The following HCN1 variants were observed in gnomAD, a reference collection of about 807,000 sequenced individuals.
HCN1 encodes hyperpolarization activated cyclic nucleotide gated potassium channel 1.
HCN1 carries 13 observed loss-of-function variants against 78.9 expected under a neutral mutation model. The observed-to-expected ratio is 0.16, with a 90% CI of 0.11 to 0.26. The LOEUF is 0.26. HCN1 is among the 10% of genes least tolerant of loss of function. The probability of loss-of-function intolerance (pLI) is 1.00; values close to 1 mark genes in which losing one functional copy is unlikely to be tolerated. For synonymous variants in HCN1, 552 were observed against 455.5 expected (o/e 1.21, Z -2.70); for missense variants, 810 against 1,154.3 (o/e 0.70, Z 4.32).
At chr5:45,645,681 ACT>A in intron 1 of HCN1, 73 bp from the exon 2 acceptor site, 1 of 886,552 alleles carries the variant, frequency 1.1e-6, no homozygotes, top group Non-Finnish European at 1.7e-6. Context: ...AAAAATTATT[ACT>A]GATATATAGT....
rs772314753 is a variant in HCN1 at position 45,461,948 on chromosome 5, G to T, written c.909C>A (p.Gly303=). 3 of 1,613,390 alleles carry T rather than the reference G, an allele frequency of 1.9e-6. No homozygotes were observed. Among genetic ancestry groups the T allele is most frequent in the South Asian group, 2.2e-5 (2 of 91,064 alleles). ...SAVVRIFNLI[G]MMLLLCHWDG... is the part of the protein sequence containing the mutation. ...CCCAGTGGCACAGGAGCAGCATCAT[G>T]CCGATGAGATTAAAAATTCTCACCA... Residue 303 remains glycine, a synonymous_variant, in exon 3 of 8, where the codon GGC becomes GGA. Transcript: ENST00000303230.
rs111494482 is a variant in HCN1 at position 45,279,375 on chromosome 5, C to T, written c.1619-12122G>A. Among the ~76,000 whole-genome samples, 1,435 of 152,148 alleles carry T rather than the reference C, an allele frequency of 9.4e-3. 21 individuals are homozygous for T. The highest frequency in any genetic ancestry group is 0.033 in the African/African-American group (1,382 of 41,526). ...GAGGTGTGATACATCCTGTTGAAAC[C>T]GTGTTCAAAGAAGCCTCATATAACC... On this transcript the variant is annotated intron_variant, in intron 6 of 7. Transcript: ENST00000303230.
chr5:45,496,788 G>A (rs903597178), intron 2 of HCN1, among the ~76,000 whole-genome samples: 11 of 152,028 alleles, frequency 7.2e-5, no homozygotes, highest in African/African-American at 1.9e-4. Flanking sequence ...TCTTCTAATC[G>A]TGATGTTAGG....
intron 3 of HCN1, among the ~76,000 whole-genome samples, chr5:45,457,631 G>A (rs1372459396): frequency 6.6e-6 from 1 of 152,106 alleles, no homozygotes; most frequent in Non-Finnish European, 1.5e-5. Context: ...ACCACAGACT[G>A]GGTAATTTAT....
chr5:45,609,195 T>G (rs1253234368), intron 2 of HCN1, among the ~76,000 whole-genome samples: 1 of 152,082 alleles, frequency 6.6e-6, no homozygotes, highest in African/African-American at 2.4e-5. Flanking sequence ...TGCCCATATC[T>G]TGTAACTTGC....
intron 4 of HCN1, among the ~76,000 whole-genome samples, chr5:45,356,831 T>C (rs1747015065): frequency 6.6e-6 from 1 of 152,058 alleles, no homozygotes; most frequent in African/African-American, 2.4e-5. Context: ...TTTGTTCCTA[T>C]AATTGGAACT....
At chr5:45,336,184 A>T (rs902312991) in intron 5 of HCN1, among the ~76,000 whole-genome samples, 6 of 151,958 alleles carry the variant, frequency 3.9e-5, no homozygotes, top group African/African-American at 1.2e-4. Flanking sequence ...GGAGGGGAGG[A>T]TACTAGGGAT....
chr5:45,291,361 G>T (rs970209103), intron 6 of HCN1, among the ~76,000 whole-genome samples: 1 of 151,740 alleles, frequency 6.6e-6, no homozygotes, highest in Non-Finnish European at 1.5e-5. Context: ...CTGTTTTCTG[G>T]ACACCACACC....
chr5:45,600,388 C>G (rs989447431), intron 2 of HCN1, among the ~76,000 whole-genome samples: 1 of 152,084 alleles, frequency 6.6e-6, no homozygotes, highest in Admixed American at 6.6e-5. Context: ...TCTTAAAATC[C>G]TAATATGTTC....
Position 45,353,248 on chromosome 5 carries a change from T to TAAGTATAAGTATAAGTATAA in HCN1, c.1231-3_1231-2insTTATACTTATACTTATACTT. On this transcript the variant is annotated splice_region_variant and splice_polypyrimidine_tract_variant and intron_variant, in intron 4 of 7. Coordinates refer to ENST00000303230, the MANE Select transcript of HCN1 (RefSeq NM_021072.4). ...CATGTATTGTTCCACTTGCTTATACTGTAAGGAAGGGAAAATAAAATTAAA... is the reference window on the plus strand; with the variant it reads ...CATGTATTGTTCCACTTGCTTATACTAAGTATAAGTATAAGTATAAGTAAGGAAGGGAAAATAAAATTAAA... 1 of 1,593,772 alleles carries TAAGTATAAGTATAAGTATAA rather than the reference T, an allele frequency of 6.3e-7. No individual in the cohort carries two copies. The highest frequency in any genetic ancestry group is 2.2e-5 in the East Asian group (1 of 44,600).
chr5:45,592,975 A>C (rs1398360535), intron 2 of HCN1, among the ~76,000 whole-genome samples: 1 of 152,202 alleles, frequency 6.6e-6, no homozygotes, highest in Non-Finnish European at 1.5e-5. Flanking sequence ...TTTTATGAAA[A>C]TACAATAGCC....
chr5:45,663,628 C>A (rs1252164629), intron 1 of HCN1, among the ~76,000 whole-genome samples: 8 of 149,316 alleles, frequency 5.4e-5, no homozygotes, highest in African/African-American at 2.0e-4. Flanking sequence ...ACAAACAACC[C>A]CATCAAAAAG....
chr5:45,556,892 T>C (rs778685289), intron 2 of HCN1, among the ~76,000 whole-genome samples: 1 of 152,140 alleles, frequency 6.6e-6, no homozygotes, highest in Non-Finnish European at 1.5e-5. Context: ...ATGGAGTTCA[T>C]CTTTTGGAGA....
intron 2 of HCN1, among the ~76,000 whole-genome samples, chr5:45,531,814 C>T (rs914636780): frequency 3.3e-5 from 5 of 152,174 alleles, no homozygotes; most frequent in Admixed American, 6.5e-5. Flanking sequence ...CCAAGGTGGG[C>T]GGATTGCCTG....
intron 2 of HCN1, among the ~76,000 whole-genome samples, chr5:45,617,051 T>C (rs182804594): frequency 1.0e-3 from 153 of 152,174 alleles, no homozygotes; most frequent in Non-Finnish European, 1.7e-3. Flanking sequence ...ATTTCAAAAA[T>C]ACTTGGCAAG....
chr5:45,545,854 T>C (rs1344821752), intron 2 of HCN1, among the ~76,000 whole-genome samples: 1 of 152,068 alleles, frequency 6.6e-6, no homozygotes, highest in Non-Finnish European at 1.5e-5. Flanking sequence ...TAAAATATCA[T>C]TGGACTTCCT....
chr5:45,547,150 A>G (rs1561196341), intron 2 of HCN1, among the ~76,000 whole-genome samples: 1 of 151,968 alleles, frequency 6.6e-6, no homozygotes, highest in Non-Finnish European at 1.5e-5. Flanking sequence ...TAAAATCTAA[A>G]TTGTTAATCT....
intron 3 of HCN1, among the ~76,000 whole-genome samples, chr5:45,403,588 G>C (rs1278180458): frequency 6.6e-6 from 1 of 152,080 alleles, no homozygotes; most frequent in African/African-American, 2.4e-5. Context: ...GCAGCATGGG[G>C]ATAACTCCCC....
At chr5:45,675,235 G>A (rs1228398482) in intron 1 of HCN1, among the ~76,000 whole-genome samples, 1 of 151,742 alleles carries the variant, frequency 6.6e-6, no homozygotes, top group Non-Finnish European at 1.5e-5. Context: ...TGTGGCATGA[G>A]ATCAACTTTT....
Sources: gnomAD v4.1 joint callset for allele counts (sites outside exome capture counted in the v4.1 genomes callset) on GRCh38, gnomAD v4.1.1 for gene constraint, MANE v1.5 for transcripts, NCBI Gene and HGNC (gene_info 2026-07-23, HGNC 2026-07-21) for gene names.